Variants in CLEC16A observed in about 807,000 individuals in gnomAD.
CLEC16A encodes the protein C-type lectin domain containing 16A, also known as protein CLEC16A.
In CLEC16A, 51 loss-of-function variants were observed where a neutral mutation model predicts 109.5. The ratio of observed to expected loss-of-function variants is 0.47; its 90% confidence interval spans 0.37 to 0.59. The LOEUF (loss-of-function observed/expected upper bound fraction) is 0.59. Ranked by LOEUF, CLEC16A falls within the 20% of genes least tolerant of loss-of-function variation. CLEC16A has a pLI of 0.00. For missense variants in CLEC16A, 1,339 were observed against 1,394.0 expected (o/e 0.96, Z 0.63); for synonymous variants, 673 against 564.2 (o/e 1.19, Z -2.73).
Position 11,158,852 on chromosome 16 carries a change from G to A in CLEC16A, c.2642-7536G>A, listed in dbSNP as rs373404810. On this transcript the variant is annotated intron_variant, in intron 22 of 23. Transcript: ENST00000409790. Reference sequence around the variant, plus strand: ...GGAGAATTGCTTGAACCTGGGAGGCGGAGGTTACAGGGAGCCAAGATCATG... The same window carrying A: ...GGAGAATTGCTTGAACCTGGGAGGCAGAGGTTACAGGGAGCCAAGATCATG... 2.8e-4 allele frequency among the ~76,000 whole-genome samples: 43 copies of A among 151,954 alleles called. 1 individual carries two copies. Among genetic ancestry groups the A allele is most frequent in the African/African-American group, 7.7e-4 (32 of 41,410 alleles).
intron 11 of CLEC16A, among the ~76,000 whole-genome samples, chr16:11,016,937 G>T (rs201674970): frequency 6.6e-6 from 1 of 151,196 alleles, no homozygotes; most frequent in Non-Finnish European, 1.5e-5. Context: ...AGATCAGATG[G>T]GAGGGAAGGG....
chr16:11,041,948 T>G (rs1250337429), intron 14 of CLEC16A: 3 of 288,598 alleles, frequency 1.0e-5, no homozygotes, highest in Non-Finnish European at 2.0e-5. Context: ...CTAAAGGAAG[T>G]GGGGGTGCAG....
chr16:11,131,603 T>C (rs1022956150), intron 22 of CLEC16A, among the ~76,000 whole-genome samples: 16 of 152,206 alleles, frequency 1.1e-4, no homozygotes, highest in African/African-American at 3.9e-4. Flanking sequence ...CCCTTGCAGA[T>C]GAGGGCTTAG....
intron 20 of CLEC16A, among the ~76,000 whole-genome samples, chr16:11,122,186 C>G (rs994533199): frequency 6.6e-6 from 1 of 152,230 alleles, no homozygotes; most frequent in Non-Finnish European, 1.5e-5. Context: ...GAGAACCACC[C>G]ACATACTTGA....
chr16:11,054,053 A>G (rs1030421990), intron 18 of CLEC16A, among the ~76,000 whole-genome samples: 6 of 152,244 alleles, frequency 3.9e-5, no homozygotes, highest in Non-Finnish European at 7.3e-5. Context: ...ACATTCTGGC[A>G]CCAACACGGC....
chr16:11,130,834 C>A (rs2053157911), intron 22 of CLEC16A, among the ~76,000 whole-genome samples: 1 of 152,198 alleles, frequency 6.6e-6, no homozygotes, highest in African/African-American at 2.4e-5. Context: ...TTTATTAGGA[C>A]ACATCTTCCG....
At chr16:11,170,816 G>A (rs2068479148) in intron 23 of CLEC16A, among the ~76,000 whole-genome samples, 1 of 152,224 alleles carries the variant, frequency 6.6e-6, no homozygotes. Context: ...GGCCTATCAG[G>A]TGGCCACCCA....
chr16:11,123,732 C>T lies in CLEC16A; in HGVS notation c.2269-10C>T. 1.2e-6 allele frequency: 2 copies of T among 1,613,988 alleles called. No individual in the cohort carries two copies. The highest frequency in any genetic ancestry group is 1.7e-6 in the Non-Finnish European group (2 of 1,179,818). On this transcript the variant is annotated splice_polypyrimidine_tract_variant and intron_variant, in intron 20 of 23. Transcript: ENST00000409790. The stretch of plus-strand genomic sequence containing the variant: ...AACGAATGCCTTTTCCTTTGCTTCT[C>T]ACTGTGCAGGACATGCAGGTGACTG...
chr16:11,147,881 A>G (rs967799299), intron 22 of CLEC16A, among the ~76,000 whole-genome samples: 1 of 152,236 alleles, frequency 6.6e-6, no homozygotes, highest in Non-Finnish European at 1.5e-5. Flanking sequence ...CCTGCAACAC[A>G]TTCCGGAATA....
chr16:11,155,515 G>A (rs1469109076), intron 22 of CLEC16A, among the ~76,000 whole-genome samples: 1 of 152,362 alleles, frequency 6.6e-6, no homozygotes, highest in East Asian at 1.9e-4. Flanking sequence ...GTCTGCCAGG[G>A]CAGACGTCAA....
At chr16:11,049,440 C>T (rs1020022947) in intron 17 of CLEC16A, among the ~76,000 whole-genome samples, 8 of 152,072 alleles carry the variant, frequency 5.3e-5, no homozygotes, top group Admixed American at 3.3e-4. Context: ...ACAACAAATA[C>T]TTCCTCCCCC....
intron 23 of CLEC16A, among the ~76,000 whole-genome samples, chr16:11,168,409 C>G (rs1400977989): frequency 6.6e-6 from 1 of 152,204 alleles, no homozygotes; most frequent in South Asian, 2.1e-4. Context: ...GTGTCTGCTC[C>G]CATTTGGTGC....
At chr16:11,074,933 G>A (rs1412410409) in intron 19 of CLEC16A, among the ~76,000 whole-genome samples, 1 of 152,126 alleles carries the variant, frequency 6.6e-6, no homozygotes, top group Admixed American at 6.5e-5. Context: ...AGCACTTTGG[G>A]AGGCTGAGGT....
At chr16:10,989,693 C>T (rs2043883911) in intron 10 of CLEC16A, among the ~76,000 whole-genome samples, 1 of 152,156 alleles carries the variant, frequency 6.6e-6, no homozygotes, top group Non-Finnish European at 1.5e-5. Context: ...GGATGGTTTC[C>T]AGATGAATCT....
intron 22 of CLEC16A, among the ~76,000 whole-genome samples, chr16:11,149,202 G>A (rs2054194563): frequency 6.6e-6 from 1 of 152,074 alleles, no homozygotes; most frequent in South Asian, 2.1e-4. Flanking sequence ...GCAGGCAGCG[G>A]GACTTGACCC....
chr16:10,995,037 C>T (rs932139576), intron 10 of CLEC16A, among the ~76,000 whole-genome samples: 14 of 152,070 alleles, frequency 9.2e-5, no homozygotes, highest in Non-Finnish European at 1.5e-4. Flanking sequence ...GCAAGATCCT[C>T]ACCTGTGTAG....
At chr16:11,177,007 C>G (rs555660889) in intron 23 of CLEC16A, among the ~76,000 whole-genome samples, 1 of 152,152 alleles carries the variant, frequency 6.6e-6, no homozygotes, top group Non-Finnish European at 1.5e-5. Flanking sequence ...AAAAACTAAA[C>G]TGGAATCACG....
At chr16:11,107,394 G>A (rs1202446151) in intron 19 of CLEC16A, among the ~76,000 whole-genome samples, 2 of 152,132 alleles carry the variant, frequency 1.3e-5, no homozygotes, top group Admixed American at 1.3e-4. Context: ...GAGCCACAAA[G>A]AAGAAAAAGT....
At chr16:11,064,684 G>A (rs2048669653) in intron 19 of CLEC16A, among the ~76,000 whole-genome samples, 1 of 152,154 alleles carries the variant, frequency 6.6e-6, no homozygotes. Flanking sequence ...GGCTGAGGTG[G>A]GAGGATCTCT....
Sources: gnomAD v4.1 joint callset for allele counts (sites outside exome capture counted in the v4.1 genomes callset) on GRCh38, gnomAD v4.1.1 for gene constraint, MANE v1.5 for transcripts, NCBI Gene and HGNC (gene_info 2026-07-23, HGNC 2026-07-21) for gene names.